SPIDR: variants seen among roughly 807,000 people sequenced by gnomAD.
SPIDR encodes the protein scaffold protein involved in DNA repair, also known as DNA repair-scaffolding protein.
In SPIDR, 93 loss-of-function variants were observed where a neutral mutation model predicts 104.6. The ratio of observed to expected loss-of-function variants is 0.89; its 90% CI spans 0.75 to 1.06. SPIDR has a LOEUF of 1.06. Among genes scored for constraint, SPIDR ranks in the 50% least tolerant of loss-of-function variants. The probability of loss-of-function intolerance (pLI) is 0.00; values close to 1 mark genes in which losing one functional copy is unlikely to be tolerated. For missense variants in SPIDR, 1,154 were observed against 1,111.2 expected (o/e 1.04, Z -0.55); for synonymous variants, 431 against 416.9 (o/e 1.03, Z -0.41).
intron 11 of SPIDR, among the ~76,000 whole-genome samples, chr8:47,690,987 T>C (rs1475616824): frequency 6.6e-6 from 1 of 151,908 alleles, no homozygotes; most frequent in Non-Finnish European, 1.5e-5. Flanking sequence ...TCCAACTAGC[T>C]ACAATCTGAA....
intron 8 of SPIDR, among the ~76,000 whole-genome samples, chr8:47,459,729 T>C (rs1554712264): frequency 6.6e-6 from 1 of 152,128 alleles, no homozygotes; most frequent in East Asian, 1.9e-4. Context: ...GTTCCTTAGA[T>C]TGTCTGTTTG....
intron 17 of SPIDR, 123 bp from the exon 18 acceptor site, chr8:47,728,810 C>A: frequency 1.7e-6 from 2 of 1,176,366 alleles, no homozygotes; most frequent in South Asian, 1.6e-5. Context: ...AAACTTGATT[C>A]TGAGAGTAAA....
At chr8:47,309,153 C>T (rs60858048) in intron 5 of SPIDR, among the ~76,000 whole-genome samples, 149,348 of 152,334 alleles carry the variant, frequency 0.98, 73,264 homozygotes, top group Middle Eastern at 1. Flanking sequence ...CTCATATATG[C>T]TTATATAAAA....
rs145704611 is a variant in SPIDR at position 47,444,870 on chromosome 8, A to T, written c.1097+4328A>T. On this transcript the variant is annotated intron_variant, in intron 8 of 19. Coordinates refer to ENST00000297423, the MANE Select transcript of SPIDR (RefSeq NM_001080394.4). ...TTAAAACACTTTCCATATTCTCAGG[A>T]TGTGGTACATATTGGTTCTTTTACT... Among the ~76,000 whole-genome samples, 31 of 152,286 alleles carry T rather than the reference A, an allele frequency of 2.0e-4. No homozygotes were observed. In the East Asian group the frequency reaches 5.8e-3, roughly 28 times the overall value.
chr8:47,402,625 C>G (rs1050692513), intron 6 of SPIDR, among the ~76,000 whole-genome samples: 2 of 152,232 alleles, frequency 1.3e-5, no homozygotes, highest in Middle Eastern at 3.4e-3. Context: ...AATTCCAGCA[C>G]ACATACACCC....
At position 47,712,818 on chromosome 8, in the gene SPIDR, C is replaced by A. The variant is rs769728892; in HGVS notation, c.2134C>A (p.Leu712Ile). 2.5e-6 allele frequency: 4 copies of A among 1,614,118 alleles called. No homozygotes were observed. The South Asian group carries it at 4.4e-5, about 18-fold the overall frequency. The stretch of plus-strand genomic sequence containing the variant: ...GCTGGGCTCTGAAGTCCTGGAGGCA[C>A]TCGCTGGGGCTGCCCCTCACAGCCT... The part of the protein sequence containing the change: ...CVLGSEVLEA[L>I]AGAAPHSLFF... Residue 712 changes from leucine to isoleucine, a missense_variant, in exon 15 of 20, where the codon CTC (leucine) becomes ATC (isoleucine). Physicochemically the swap from Leu to Ile is conservative, Grantham distance 5. Coordinates refer to ENST00000297423, the MANE Select transcript of SPIDR (RefSeq NM_001080394.4).
intron 7 of SPIDR, among the ~76,000 whole-genome samples, chr8:47,415,543 T>C (rs936075535): frequency 5.3e-5 from 8 of 152,136 alleles, no homozygotes; most frequent in African/African-American, 1.9e-4. Flanking sequence ...AGTAAGGCTT[T>C]TGGAAAGTGA....
chr8:47,543,803 G>C (rs2088719252), intron 8 of SPIDR, among the ~76,000 whole-genome samples: 1 of 152,174 alleles, frequency 6.6e-6, no homozygotes, highest in Admixed American at 6.5e-5. Flanking sequence ...CAGAGATATG[G>C]TGGTCAGTTT....
chr8:47,698,596 T>A (rs1216906363), intron 11 of SPIDR, among the ~76,000 whole-genome samples: 1 of 152,244 alleles, frequency 6.6e-6, no homozygotes, highest in Non-Finnish European at 1.5e-5. Context: ...TAAACTTTTT[T>A]AATTAGCTGG....
chr8:47,619,569 G>A (rs578056990), intron 10 of SPIDR, among the ~76,000 whole-genome samples: 2 of 151,042 alleles, frequency 1.3e-5, no homozygotes, highest in Admixed American at 1.3e-4. Flanking sequence ...GGATCAGTCT[G>A]TTTGCTTTTT....
intron 8 of SPIDR, among the ~76,000 whole-genome samples, chr8:47,475,736 C>T (rs782023008): frequency 6.6e-6 from 1 of 152,088 alleles, no homozygotes; most frequent in Non-Finnish European, 1.5e-5. Context: ...GCCAAGAAGA[C>T]ACATATAAAA....
intron 17 of SPIDR, 89 bp from the exon 18 acceptor site, chr8:47,728,844 C>A: frequency 1.4e-6 from 2 of 1,439,702 alleles, no homozygotes; most frequent in Non-Finnish European, 1.9e-6. Flanking sequence ...GCTCAGCAGA[C>A]ACTCATGTTT....
chr8:47,700,209 G>A (rs1249276747), intron 11 of SPIDR, among the ~76,000 whole-genome samples, 194 bp from the exon 12 acceptor site: 1 of 152,148 alleles, frequency 6.6e-6, no homozygotes, highest in East Asian at 1.9e-4. Flanking sequence ...GCAAGTTCCT[G>A]TTGTGCAGTT....
At chr8:47,685,501 A>ATTTTTTTTTTTTTTTTT (rs1326028640) in intron 11 of SPIDR, among the ~76,000 whole-genome samples, 7 of 110,210 alleles carry the variant, frequency 6.4e-5, no homozygotes, top group Non-Finnish European at 1.3e-4. Flanking sequence ...TTATTTATTT[A>ATTTTTTTTTTTTTTTTT]TTTATTTATT....
intron 10 of SPIDR, chr8:47,659,596 CCCCCGCCCCCAATGCGTCCCCGCCCCCA>C: frequency 6.6e-6 from 1 of 151,614 alleles, no homozygotes; most frequent in Non-Finnish European, 1.4e-5. Context: ...GTGGGCGAGG[CCCCCGCCCCCAATGCGTCCCCGCCCCCA>C]CCCCGCCCCG....
In SPIDR at chr8:47,293,803, A is replaced by G. The variant is rs2040364452; in HGVS notation, c.362-64A>G. 9 of 1,482,954 alleles carry G rather than the reference A, an allele frequency of 6.1e-6. No individual in the cohort carries two copies. The African/African-American group carries it at 8.5e-5, about 14-fold the overall frequency. 91.9% of individuals were successfully genotyped at this position (1,482,954 alleles called of 1,614,324 possible). A position where few individuals can be genotyped will look rare whatever the true frequency, so the allele number is the denominator to read the frequency against. Reference sequence around the variant, plus strand: ...CATGGATATATTAACTGCTAAGAATAAAAGAGATATAAAAGTGAAAGATTA... The same window carrying G: ...CATGGATATATTAACTGCTAAGAATGAAAGAGATATAAAAGTGAAAGATTA... On this transcript the variant is annotated intron_variant, in intron 4 of 19. Transcript: ENST00000297423.
chr8:47,300,194 C>A (rs1464432973), intron 5 of SPIDR, among the ~76,000 whole-genome samples: 3 of 152,092 alleles, frequency 2.0e-5, no homozygotes, highest in Non-Finnish European at 4.4e-5. Context: ...GTGTATGTGT[C>A]CAGGAATTTA....
intron 10 of SPIDR, among the ~76,000 whole-genome samples, chr8:47,602,415 C>T (rs928726066): frequency 6.6e-6 from 1 of 152,214 alleles, no homozygotes; most frequent in African/African-American, 2.4e-5. Flanking sequence ...ATCTTTCAAA[C>T]TATCCGTGAA....
At chr8:47,269,113 G>A (rs1056021677) in intron 1 of SPIDR, among the ~76,000 whole-genome samples, 60 of 151,190 alleles carry the variant, frequency 4.0e-4, no homozygotes, top group Non-Finnish European at 6.0e-4. Context: ...GCTTCAGTGA[G>A]CCATGATTGT....
Sources: allele counts gnomAD v4.1 joint callset (sites outside exome capture counted in the v4.1 genomes callset), GRCh38; gene constraint gnomAD v4.1.1; transcripts MANE v1.5; gene names NCBI Gene and HGNC (gene_info 2026-07-23, HGNC 2026-07-21).